Variants in FBN2 observed in about 807,000 individuals in gnomAD.
FBN2 encodes the protein fibrillin 2.
Under a neutral mutation model 355.6 loss-of-function variants are expected in FBN2, and 105 were observed. The ratio of observed to expected loss-of-function variants is 0.30; its 90% confidence interval spans 0.25 to 0.35. FBN2 has a LOEUF of 0.35. FBN2 is among the 10% of genes least tolerant of loss of function. FBN2 has a pLI of 1.00. For missense variants in FBN2, 3,280 were observed against 3,758.7 expected (o/e 0.87, Z 3.33); for synonymous variants, 1,350 against 1,301.2 (o/e 1.04, Z -0.81).
chr5:128,456,964 C>G (rs1227108461), intron 6 of FBN2, among the ~76,000 whole-genome samples: 1 of 152,276 alleles, frequency 6.6e-6, no homozygotes, highest in Non-Finnish European at 1.5e-5. Context: ...GATGAATTGA[C>G]AGAAGTAGGC....
At chr5:128,333,557 TA>T (rs564101335) in intron 31 of FBN2, among the ~76,000 whole-genome samples, 29 of 152,004 alleles carry the variant, frequency 1.9e-4, no homozygotes, top group Admixed American at 5.9e-4. Flanking sequence ...TTACAGAATT[TA>T]AAAAAAACTA....
intron 36 of FBN2, among the ~76,000 whole-genome samples, chr5:128,313,035 C>T (rs1015238489): frequency 6.6e-6 from 1 of 152,180 alleles, no homozygotes; most frequent in African/African-American, 2.4e-5. Context: ...TTTTCCTATA[C>T]TCATGGAATG....
intron 5 of FBN2, among the ~76,000 whole-genome samples, chr5:128,467,742 A>G (rs775819556): frequency 2.0e-5 from 3 of 152,194 alleles, no homozygotes; most frequent in Non-Finnish European, 4.4e-5. Context: ...ACCTATAAAC[A>G]GTTATGTTAC....
At chr5:128,401,625 C>CA (rs1358965921) in intron 8 of FBN2, among the ~76,000 whole-genome samples, 4 of 151,968 alleles carry the variant, frequency 2.6e-5, no homozygotes, top group South Asian at 2.1e-4. Context: ...TACTAAAATA[C>CA]AAAAAATTAG....
Position 128,325,223 on chromosome 5 carries a change from A to G in FBN2, c.4471+3473T>C, listed in dbSNP as rs1750511960. ...CAGTGGGGTGTTAAAGTCTCCCACTATTATTGTGTGGGAGTCTAAGTCTCT... is the reference window on the plus strand; with the variant it reads ...CAGTGGGGTGTTAAAGTCTCCCACTGTTATTGTGTGGGAGTCTAAGTCTCT... On this transcript the variant is annotated intron_variant, in intron 34 of 64. Transcript: ENST00000262464. 2.0e-5 allele frequency among the ~76,000 whole-genome samples: 3 copies of G among 152,208 alleles called. No homozygotes were observed. In the South Asian group the frequency reaches 6.2e-4, roughly 32 times the overall value.
intron 18 of FBN2, among the ~76,000 whole-genome samples, chr5:128,363,821 G>A (rs1273069918): frequency 1.3e-5 from 2 of 152,144 alleles, no homozygotes; most frequent in South Asian, 2.1e-4. Context: ...TATAAATATA[G>A]CTTTTACATC....
At chr5:128,407,533 T>C (rs1752957885) in intron 8 of FBN2, among the ~76,000 whole-genome samples, 1 of 152,194 alleles carries the variant, frequency 6.6e-6, no homozygotes, top group Non-Finnish European at 1.5e-5. Flanking sequence ...ATGTGTAATA[T>C]CTTAAATGAC....
In FBN2 at chr5:128,404,962, A is replaced by G. The variant is rs1219105385; in HGVS notation, c.1078+3712T>C. Among the ~76,000 whole-genome samples the G allele has an allele frequency of 5.3e-5, 8 of 152,280 alleles. No homozygotes were observed. In the South Asian group the frequency reaches 1.7e-3, roughly 32 times the overall value. ...CAAGGCGGGTGGATTACCTGAGGTC[A>G]GGAGTTCGAGACCAGCCTGGCCCAC... On this transcript the variant is annotated intron_variant, in intron 8 of 64. Coordinates refer to ENST00000262464, the MANE Select transcript of FBN2 (RefSeq NM_001999.4).
At chr5:128,375,815 T>C (rs988565237) in intron 14 of FBN2, among the ~76,000 whole-genome samples, 3 of 152,014 alleles carry the variant, frequency 2.0e-5, no homozygotes, top group Non-Finnish European at 4.4e-5. Context: ...GCAGGAGGAT[T>C]GCTTGAGCCC....
intron 3 of FBN2, among the ~76,000 whole-genome samples, chr5:128,529,798 G>T (rs920475946): frequency 1.3e-5 from 2 of 152,146 alleles, no homozygotes; most frequent in African/African-American, 4.8e-5. Flanking sequence ...TGAATGGTAG[G>T]TTTTAAAAGC....
chr5:128,500,598 C>A (rs1037850080), intron 5 of FBN2, among the ~76,000 whole-genome samples: 5 of 151,824 alleles, frequency 3.3e-5, no homozygotes, highest in African/African-American at 1.2e-4. Context: ...GCGCCTGCCA[C>A]CGCACCCGGC....
intron 9 of FBN2, 79 bp from the exon 10 acceptor site, chr5:128,393,447 G>A (rs1440895713): frequency 8.5e-7 from 1 of 1,182,870 alleles, no homozygotes; most frequent in African/African-American, 1.5e-5. Context: ...ACTGTACTAA[G>A]TCACTTTGGG....
intron 9 of FBN2, among the ~76,000 whole-genome samples, chr5:128,394,014 C>T (rs1002005752): frequency 6.6e-6 from 1 of 152,144 alleles, no homozygotes; most frequent in Admixed American, 6.5e-5. Context: ...TTATATACTA[C>T]TAGTGGAACT....
intron 10 of FBN2, among the ~76,000 whole-genome samples, chr5:128,392,693 G>A (rs1036767513): frequency 6.6e-6 from 1 of 152,200 alleles, no homozygotes; most frequent in Non-Finnish European, 1.5e-5. Flanking sequence ...CACAGAGCAA[G>A]ATATTCAGTT....
intron 5 of FBN2, among the ~76,000 whole-genome samples, chr5:128,505,209 C>A (rs1161769966): frequency 1.3e-5 from 2 of 152,146 alleles, no homozygotes; most frequent in Admixed American, 1.3e-4. Flanking sequence ...GCAGAACAGA[C>A]TACTACAATG....
At position 128,262,704 on chromosome 5, in the gene FBN2, T is replaced by C. The variant is rs181032296; in HGVS notation, c.8192+721A>G. On this transcript the variant is annotated intron_variant, in intron 63 of 64. Coordinates refer to ENST00000262464, the MANE Select transcript of FBN2 (RefSeq NM_001999.4). Reference sequence around the variant, plus strand: ...TTTTAACTATTATCATACACCATTGTTGGACAGACTTGGTCCATGCCTTTT... The same window carrying C: ...TTTTAACTATTATCATACACCATTGCTGGACAGACTTGGTCCATGCCTTTT... Among the ~76,000 whole-genome samples, 111 of 152,338 alleles carry C rather than the reference T, an allele frequency of 7.3e-4. No homozygotes were observed. The Middle Eastern group carries it at 0.031, about 42-fold the overall frequency.
chr5:128,412,100 C>CT (rs1561444149), intron 7 of FBN2, among the ~76,000 whole-genome samples: 2 of 149,788 alleles, frequency 1.3e-5, no homozygotes, highest in South Asian at 4.2e-4. Flanking sequence ...TCTCCTTGAT[C>CT]TTTTTTGAAA....
At chr5:128,412,955 CTT>C (rs764161633) in intron 7 of FBN2, among the ~76,000 whole-genome samples, 2 of 152,132 alleles carry the variant, frequency 1.3e-5, no homozygotes, top group Non-Finnish European at 2.9e-5. Flanking sequence ...ACAGGAAGGA[CTT>C]TGTCACCAGA....
Position 128,305,920 on chromosome 5 carries a change from G to T in FBN2, c.5451C>A (p.Gly1817=), listed in dbSNP as rs1749859998. Residue 1817 remains glycine (G), a synonymous_variant, in exon 43 of 65, where the codon GGC becomes GGA. Transcript: ENST00000262464. ...VDIDECKEIP[G]ICANGVCINQ... ...TAATGCACACACCATTTGCACAAAT[G>T]CCTGGAATCTCTTTACATTCATCAA... The T allele has an allele frequency of 6.2e-7, 1 of 1,613,730 alleles. No individual in the cohort carries two copies.
Sources: gnomAD v4.1 joint callset for allele counts (sites outside exome capture counted in the v4.1 genomes callset) on GRCh38, gnomAD v4.1.1 for gene constraint, MANE v1.5 for transcripts, NCBI Gene and HGNC (gene_info 2026-07-23, HGNC 2026-07-21) for gene names.